The following PTPRO variants were observed in gnomAD, a reference collection of about 807,000 sequenced individuals.
PTPRO encodes protein tyrosine phosphatase receptor type O.
Under a neutral mutation model 145.2 loss-of-function variants are expected in PTPRO, and 62 were observed. The ratio of observed to expected loss-of-function variants is 0.43; its 90% CI spans 0.35 to 0.53. PTPRO has a LOEUF of 0.53. PTPRO is among the 20% of genes least tolerant of loss of function. The probability of loss-of-function intolerance (pLI) is 0.01; values close to 1 mark genes in which losing one functional copy is unlikely to be tolerated. For missense variants in PTPRO, 1,345 were observed against 1,482.7 expected (o/e 0.91, Z 1.53); for synonymous variants, 565 against 514.7 (o/e 1.10, Z -1.32).
chr12:15,455,806 G>T (rs1941162558), intron 1 of PTPRO, among the ~76,000 whole-genome samples: 1 of 152,026 alleles, frequency 6.6e-6, no homozygotes, highest in African/African-American at 2.4e-5. Context: ...CTGCAAACGG[G>T]GACAATTTGA....
intron 1 of PTPRO, among the ~76,000 whole-genome samples, chr12:15,375,986 A>AATAC (rs1351784891): frequency 6.6e-6 from 1 of 152,182 alleles, no homozygotes; most frequent in Non-Finnish European, 1.5e-5. Context: ...AAGACAAATG[A>AATAC]ATACAGTCTC....
chr12:15,486,345 T>C (rs2136443213), intron 2 of PTPRO, among the ~76,000 whole-genome samples: 2 of 152,338 alleles, frequency 1.3e-5, no homozygotes, highest in South Asian at 4.1e-4. Flanking sequence ...TTGCCTGATA[T>C]TAAAATAGCC....
At chr12:15,516,208 T>A (rs547991454) in intron 8 of PTPRO, among the ~76,000 whole-genome samples, 1 of 149,886 alleles carries the variant, frequency 6.7e-6, no homozygotes, top group African/African-American at 2.4e-5. Flanking sequence ...GCCAGGATGG[T>A]CTCGATCTGA....
In PTPRO at chr12:15,430,335, T is replaced by C. The variant is rs1045614631; in HGVS notation, c.76-53639T>C. Among the ~76,000 whole-genome samples the C allele has an allele frequency of 4.6e-5, 7 of 151,910 alleles. No individual in the cohort carries two copies. The East Asian group carries it at 7.7e-4, about 17-fold the overall frequency. On this transcript the variant is annotated intron_variant, in intron 1 of 26. Coordinates refer to ENST00000281171, the MANE Select transcript of PTPRO (RefSeq NM_030667.3). ...GGGTGGGTGAGAAGGTAGGGATCTG[T>C]TGGGAGTTTGTACTATGATAGAAGC...
chr12:15,546,157 T>A (rs1009344773), intron 12 of PTPRO, among the ~76,000 whole-genome samples: 3 of 152,214 alleles, frequency 2.0e-5, no homozygotes, highest in South Asian at 2.1e-4. Flanking sequence ...AATACCAAAC[T>A]GCATCTCATC....
intron 1 of PTPRO, among the ~76,000 whole-genome samples, chr12:15,431,812 TTATTA>T (rs1940447659): frequency 6.6e-6 from 1 of 152,164 alleles, no homozygotes; most frequent in South Asian, 2.1e-4. Context: ...GATTCTTATT[TTATTA>T]TTTCTTTTTT....
intron 7 of PTPRO, among the ~76,000 whole-genome samples, chr12:15,514,045 A>G (rs1487069685): frequency 6.6e-6 from 1 of 152,198 alleles, no homozygotes; most frequent in Non-Finnish European, 1.5e-5. Context: ...TTTTAGTTGA[A>G]TTATCAATTC....
At chr12:15,510,818 A>T (rs1452019364) in intron 7 of PTPRO, among the ~76,000 whole-genome samples, 1 of 152,080 alleles carries the variant, frequency 6.6e-6, no homozygotes, top group Admixed American at 6.5e-5. Context: ...TGGAAATAAG[A>T]CCATCTCAGG....
chr12:15,526,074 A>T (rs939234444), intron 11 of PTPRO, 68 bp from the exon 12 acceptor site: 28 of 1,591,624 alleles, frequency 1.8e-5, no homozygotes, highest in South Asian at 1.7e-4. Context: ...ATAGTCCTTT[A>T]GTTGTTTGGG....
At chr12:15,341,752 T>A (rs1453865306) in intron 1 of PTPRO, among the ~76,000 whole-genome samples, 1 of 152,132 alleles carries the variant, frequency 6.6e-6, no homozygotes, top group Non-Finnish European at 1.5e-5. Flanking sequence ...AGTATGTGCC[T>A]CAGGTAAGAG....
intron 1 of PTPRO, among the ~76,000 whole-genome samples, chr12:15,350,117 T>C (rs1229354539): frequency 1.3e-5 from 2 of 152,202 alleles, no homozygotes; most frequent in African/African-American, 4.8e-5. Context: ...ACCCTTCATA[T>C]ATAAATGTTG....
chr12:15,490,100 A>G (rs1379775922), intron 2 of PTPRO, among the ~76,000 whole-genome samples: 3 of 152,242 alleles, frequency 2.0e-5, no homozygotes, highest in Admixed American at 2.0e-4. Flanking sequence ...GAGAAATTAC[A>G]TAATAGGATT....
At chr12:15,551,278 T>C (rs1402629490) in intron 14 of PTPRO, among the ~76,000 whole-genome samples, 1 of 152,192 alleles carries the variant, frequency 6.6e-6, no homozygotes. Context: ...TATTCTTCAT[T>C]CTTTAGTTTC....
In PTPRO at chr12:15,330,904, G is replaced by GACT. The variant is rs541161843; in HGVS notation, c.75+8104_75+8106dup. Among the ~76,000 whole-genome samples, 368 of 152,242 alleles carry GACT rather than the reference G, an allele frequency of 2.4e-3. 1 individual carries two copies. The highest frequency in any genetic ancestry group is 3.9e-3 in the South Asian group (19 of 4,830). On this transcript the variant is annotated intron_variant, in intron 1 of 26. Transcript: ENST00000281171. ...TTTTTGAGTGTCCTGCTGGGACCAT[G>GACT]ACTGATATAAGACATGGTAGGTTTG...
chr12:15,519,784 A>G (rs1044385955), intron 9 of PTPRO, among the ~76,000 whole-genome samples: 2 of 152,220 alleles, frequency 1.3e-5, no homozygotes, highest in African/African-American at 4.8e-5. Context: ...AAAGTACACA[A>G]TTACCCTCTA....
intron 1 of PTPRO, among the ~76,000 whole-genome samples, chr12:15,466,526 T>C (rs1941419715): frequency 1.3e-5 from 2 of 152,230 alleles, no homozygotes; most frequent in African/African-American, 2.4e-5. Flanking sequence ...ATGCCTATAA[T>C]GGGAACTTTC....
chr12:15,394,244 A>G (rs984562), intron 1 of PTPRO, among the ~76,000 whole-genome samples: 25,260 of 152,088 alleles, frequency 0.17, 2,376 homozygotes, highest in South Asian at 0.22. Flanking sequence ...TAAAATGATG[A>G]AAGTCCCAAA....
At chr12:15,452,278 T>A (rs1401333590) in intron 1 of PTPRO, among the ~76,000 whole-genome samples, 1 of 152,068 alleles carries the variant, frequency 6.6e-6, no homozygotes, top group Admixed American at 6.5e-5. Context: ...TATACAACCC[T>A]CCTAGCTTAA....
intron 2 of PTPRO, among the ~76,000 whole-genome samples, chr12:15,493,992 AAAC>A (rs1490343996): frequency 2.6e-5 from 4 of 152,202 alleles, no homozygotes; most frequent in African/African-American, 9.6e-5. Context: ...TAGGCAATAA[AAAC>A]AAGCTGCAGG....
Sources: gnomAD v4.1 joint callset for allele counts (sites outside exome capture counted in the v4.1 genomes callset) on GRCh38, gnomAD v4.1.1 for gene constraint, MANE v1.5 for transcripts, NCBI Gene and HGNC (gene_info 2026-07-23, HGNC 2026-07-21) for gene names.